UNC5B: variants seen among roughly 807,000 people sequenced by gnomAD.
UNC5B encodes unc-5 netrin receptor B.
A neutral mutation model predicts 103.7 loss-of-function variants in UNC5B; 56 were observed. That is an observed-to-expected ratio of 0.54 (90% CI 0.44 to 0.67). The LOEUF (loss-of-function observed/expected upper bound fraction) is 0.67. Among genes scored for constraint, UNC5B ranks in the 30% least tolerant of loss-of-function variants. The probability of loss-of-function intolerance (pLI) is 0.00; values close to 1 mark genes in which losing one functional copy is unlikely to be tolerated. For synonymous variants in UNC5B, 577 were observed against 542.0 expected, an observed-to-expected ratio of 1.06 and a Z score of -0.90; for missense variants, 1,194 against 1,284.5, an observed-to-expected ratio of 0.93 and a Z score of 1.08.
intron 6 of UNC5B, 74 bp downstream of exon 6, chr10:71,287,839 A>G: frequency 1.3e-6 from 2 of 1,538,116 alleles, no homozygotes; most frequent in Non-Finnish European, 1.7e-6. Context: ...CAGAGCCGGG[A>G]CAGCCATTCT....
At chr10:71,229,265 A>G (rs2132247913) in intron 1 of UNC5B, among the ~76,000 whole-genome samples, 1 of 152,286 alleles carries the variant, frequency 6.6e-6, no homozygotes, top group Admixed American at 6.5e-5. Context: ...ATGGGGAGCA[A>G]CAAGCCCCAG....
intron 1 of UNC5B, among the ~76,000 whole-genome samples, chr10:71,244,195 C>T (rs1038192434): frequency 6.6e-6 from 1 of 152,256 alleles, no homozygotes; most frequent in African/African-American, 2.4e-5. Context: ...ACGCCCACAA[C>T]AGAAATGATG....
intron 1 of UNC5B, among the ~76,000 whole-genome samples, chr10:71,267,156 G>A (rs1388159354): frequency 6.6e-6 from 1 of 152,176 alleles, no homozygotes; most frequent in Non-Finnish European, 1.5e-5. Context: ...AAATATTTTT[G>A]TACTTCTGAC....
Position 71,297,054 on chromosome 10 carries a change from C to T in UNC5B, c.2490+312C>T, listed in dbSNP as rs113861290. 1.4e-3 allele frequency among the ~76,000 whole-genome samples: 170 copies of T among 121,492 alleles called. 2 individuals carry two copies. Among genetic ancestry groups the T allele is most frequent in the Non-Finnish European group, 2.2e-3 (125 of 56,528 alleles). The allele number at this position is 121,492 out of a possible 152,430, so 79.7% of individuals were successfully genotyped here. On this transcript the variant is annotated intron_variant, in intron 15 of 16. Coordinates refer to ENST00000335350, the MANE Select transcript of UNC5B (RefSeq NM_170744.5). ...ACTGTGGCATAGGTGAGGGAAGGGC[C>T]GCCAGATATTCCAGCTGCACACCAC...
In UNC5B at chr10:71,298,110, G is replaced by A; in HGVS notation, c.2672+20G>A. On this transcript the variant is annotated intron_variant, in intron 16 of 16. Transcript: ENST00000335350. ...GGACCGGTGAGTATCCCAAACCACA[G>A]CCCATCCCCATCTGCCTTCGTCCTC... The A allele has an allele frequency of 6.3e-7, 1 of 1,576,864 alleles. No individual in the cohort carries two copies. Among genetic ancestry groups the A allele is most frequent in the African/African-American group, 1.4e-5 (1 of 74,002 alleles).
chr10:71,255,632 C>T (rs1324608749), intron 1 of UNC5B, among the ~76,000 whole-genome samples: 4 of 152,346 alleles, frequency 2.6e-5, no homozygotes, highest in African/African-American at 7.2e-5. Context: ...CTGGAATGAG[C>T]GGAAGCCCTT....
At chr10:71,278,756 G>A (rs891025951) in intron 1 of UNC5B, among the ~76,000 whole-genome samples, 1 of 152,256 alleles carries the variant, frequency 6.6e-6, no homozygotes, top group Non-Finnish European at 1.5e-5. Flanking sequence ...CCTCTAGCTG[G>A]AGGGGCTGGG....
chr10:71,225,933 G>A (rs1006293493), intron 1 of UNC5B, among the ~76,000 whole-genome samples: 2 of 152,196 alleles, frequency 1.3e-5, no homozygotes, highest in Non-Finnish European at 2.9e-5. Context: ...CGGCTCCTCT[G>A]CTGAGCCTGT....
At chr10:71,285,574 G>A (rs548632292) in intron 4 of UNC5B, 145 bp downstream of exon 4, 2 of 751,832 alleles carry the variant, frequency 2.7e-6, no homozygotes, top group East Asian at 5.4e-5. Context: ...TTAGCACAGA[G>A]AAGAGAACTG....
rs990675282 is a variant in UNC5B at position 71,301,009 on chromosome 10, C to T, written c.*1732C>T. ...ATGAGTCCCTGCCCTGTGCAGCTGC[C>T]TGGCAGTGGCTGGGACAAGGATCTT... On this transcript the variant is annotated 3_prime_UTR_variant, in exon 17 of 17. Transcript: ENST00000335350. The T allele has an allele frequency of 5.3e-5, 8 of 152,362 alleles. No homozygotes were observed. Among genetic ancestry groups the T allele is most frequent in the Non-Finnish European group, 1.2e-4 (8 of 68,152 alleles). 9.4% of individuals were successfully genotyped at this position (152,362 alleles called of 1,614,324 possible).
Position 71,291,020 on chromosome 10 carries a change from A to G in UNC5B, c.1205A>G (p.Asn402Ser). 1 of 1,614,024 alleles carries G rather than the reference A, an allele frequency of 6.2e-7. No homozygotes were observed. Among genetic ancestry groups the G allele is most frequent in the Middle Eastern group, 1.6e-4 (1 of 6,062 alleles). The stretch of plus-strand genomic sequence containing the variant: ...GTGGGGGTGGTGGTGTACCGCCGCA[A>G]CTGCCGTGACTTCGACACAGACATC... ...MAVGVVVYRR[N>S]CRDFDTDITD... The change falls in exon 9 of 17, where the codon AAC becomes AGC. Residue 402 changes from asparagine (N) to serine (S), a missense_variant. Physicochemically the swap from Asn to Ser is conservative, Grantham distance 46. Coordinates refer to ENST00000335350, the MANE Select transcript of UNC5B (RefSeq NM_170744.5).
At chr10:71,240,823 A>C (rs1564712179) in intron 1 of UNC5B, among the ~76,000 whole-genome samples, 1 of 152,348 alleles carries the variant, frequency 6.6e-6, no homozygotes. Context: ...GGTTCCTTTG[A>C]CGGCCCTTAG....
chr10:71,221,525 C>T (rs958678102), intron 1 of UNC5B, among the ~76,000 whole-genome samples: 4 of 152,234 alleles, frequency 2.6e-5, no homozygotes, highest in Admixed American at 6.5e-5. Flanking sequence ...ACCTGATGCA[C>T]ATGCCCATTC....
At chr10:71,273,788 A>T (rs1171697539) in intron 1 of UNC5B, among the ~76,000 whole-genome samples, 3 of 152,220 alleles carry the variant, frequency 2.0e-5, no homozygotes, top group Admixed American at 6.5e-5. Flanking sequence ...AGCAGCCACC[A>T]AAACTGCAAA....
At chr10:71,228,384 CAAAAA>C (rs58283911) in intron 1 of UNC5B, among the ~76,000 whole-genome samples, 5,393 of 142,596 alleles carry the variant, frequency 0.038, 147 homozygotes, top group Non-Finnish European at 0.056. Flanking sequence ...AAATTTTCGA[CAAAAA>C]AAAAAATCAC....
chr10:71,295,926 C>T lies in UNC5B; in HGVS notation c.2291C>T (p.Ala764Val). Residue 764 changes from alanine to valine, a missense_variant, in exon 14 of 17, where the codon GCC becomes GTC. Ala to Val is a moderately conservative substitution (Grantham distance 64). Coordinates refer to ENST00000335350, the MANE Select transcript of UNC5B (RefSeq NM_170744.5). ...CTCTCCCTCCATGACCTCCCCCATGCCCATTGGAGGAGCAAGCTGCTGGCC... is the reference window on the plus strand; with the variant it reads ...CTCTCCCTCCATGACCTCCCCCATGTCCATTGGAGGAGCAAGCTGCTGGCC... The part of the protein sequence containing the change: ...LRLSLHDLPH[A>V]HWRSKLLAKY... The T allele has an allele frequency of 6.2e-7, 1 of 1,613,214 alleles. No individual in the cohort carries two copies.
chr10:71,252,355 G>T (rs1264656662), intron 1 of UNC5B, among the ~76,000 whole-genome samples: 2 of 152,188 alleles, frequency 1.3e-5, no homozygotes, highest in East Asian at 3.9e-4. Flanking sequence ...TGCCTACCAA[G>T]TGTCCTGCCA....
chr10:71,249,862 C>G (rs1844133790), intron 1 of UNC5B, among the ~76,000 whole-genome samples: 1 of 152,194 alleles, frequency 6.6e-6, no homozygotes, highest in African/African-American at 2.4e-5. Flanking sequence ...TATCCCAGTG[C>G]CATGAGGGCT....
chr10:71,214,286 G>T (rs1265040381), intron 1 of UNC5B, among the ~76,000 whole-genome samples: 1 of 151,384 alleles, frequency 6.6e-6, no homozygotes, highest in Non-Finnish European at 1.5e-5. Flanking sequence ...TCCTCATTCT[G>T]GAATTAGTGA....
Sources: allele counts gnomAD v4.1 joint callset (sites outside exome capture counted in the v4.1 genomes callset), GRCh38; gene constraint gnomAD v4.1.1; transcripts MANE v1.5; gene names NCBI Gene and HGNC (gene_info 2026-07-23, HGNC 2026-07-21).